DAPK1: variants seen among roughly 807,000 people sequenced by gnomAD.
The protein encoded by DAPK1 is death-associated protein kinase 1.
DAPK1 carries 56 observed loss-of-function variants against 144.9 expected under a neutral mutation model. The ratio of observed to expected loss-of-function variants is 0.39; its 90% CI spans 0.31 to 0.48. The LOEUF (loss-of-function observed/expected upper bound fraction) is 0.48. DAPK1 is among the 20% of genes least tolerant of loss of function. The pLI is 0.95. For missense variants in DAPK1, 1,454 were observed against 1,875.4 expected, an observed-to-expected ratio of 0.78 and a Z score of 4.15; for synonymous variants, 690 against 749.0, an observed-to-expected ratio of 0.92 and a Z score of 1.29.
At chr9:87,626,198 C>T (rs1317188392) in intron 3 of DAPK1, among the ~76,000 whole-genome samples, 2 of 152,166 alleles carry the variant, frequency 1.3e-5, no homozygotes, top group Non-Finnish European at 2.9e-5. Context: ...GGTGGATCAC[C>T]TGAGGTCAGG....
At chr9:87,594,022 G>C (rs977433050) in intron 2 of DAPK1, among the ~76,000 whole-genome samples, 12 of 152,148 alleles carry the variant, frequency 7.9e-5, no homozygotes, top group Non-Finnish European at 1.5e-4. Context: ...TCATTGAAAT[G>C]GAGCAGCCAA....
chr9:87,612,984 A>C (rs1467758780), intron 3 of DAPK1, among the ~76,000 whole-genome samples: 3 of 152,202 alleles, frequency 2.0e-5, no homozygotes, highest in Non-Finnish European at 4.4e-5. Context: ...AGAGAAATCA[A>C]GCCAGTTTGG....
At chr9:87,549,632 C>CA (rs1179234814) in intron 2 of DAPK1, among the ~76,000 whole-genome samples, 1 of 152,130 alleles carries the variant, frequency 6.6e-6, no homozygotes, top group Admixed American at 6.6e-5. Flanking sequence ...CTTCTCATCA[C>CA]AAAGAGTACA....
intron 18 of DAPK1, among the ~76,000 whole-genome samples, chr9:87,667,542 A>G (rs1399835503): frequency 6.6e-6 from 1 of 152,186 alleles, no homozygotes; most frequent in East Asian, 1.9e-4. Context: ...TGTTGGCAAG[A>G]TTGAGCAACA....
intron 3 of DAPK1, among the ~76,000 whole-genome samples, chr9:87,612,252 A>G (rs916208703): frequency 1.3e-5 from 2 of 152,236 alleles, no homozygotes; most frequent in Admixed American, 6.5e-5. Flanking sequence ...GCACCATAGT[A>G]TCTCAGAACA....
intron 19 of DAPK1, among the ~76,000 whole-genome samples, chr9:87,671,006 C>T (rs1831231747): frequency 1.3e-5 from 2 of 152,244 alleles, no homozygotes; most frequent in Admixed American, 1.3e-4. Flanking sequence ...AGTCTGAAAA[C>T]AGTGAAGGAA....
chr9:87,500,696 G>A (rs1824357527), intron 2 of DAPK1, among the ~76,000 whole-genome samples: 1 of 152,136 alleles, frequency 6.6e-6, no homozygotes, highest in Non-Finnish European at 1.5e-5. Context: ...GGCGAAGGGA[G>A]TTTTTGATCT....
At chr9:87,584,904 T>G (rs1827892481) in intron 2 of DAPK1, among the ~76,000 whole-genome samples, 1 of 152,172 alleles carries the variant, frequency 6.6e-6, no homozygotes, top group South Asian at 2.1e-4. Flanking sequence ...CTCGAACTCC[T>G]GACCTCAGGT....
intron 2 of DAPK1, among the ~76,000 whole-genome samples, chr9:87,584,839 G>A (rs1564008066): frequency 6.6e-6 from 1 of 152,120 alleles, no homozygotes; most frequent in Non-Finnish European, 1.5e-5. Flanking sequence ...ACCACGCCTG[G>A]CTAATTTTTG....
At chr9:87,506,373 G>T (rs1269398469) in intron 2 of DAPK1, among the ~76,000 whole-genome samples, 1 of 152,196 alleles carries the variant, frequency 6.6e-6, no homozygotes, top group African/African-American at 2.4e-5. Flanking sequence ...AGGCCTTAAC[G>T]ACACACTGGG....
chr9:87,502,928 G>A (rs1824460564), intron 2 of DAPK1, among the ~76,000 whole-genome samples: 3 of 152,138 alleles, frequency 2.0e-5, no homozygotes, highest in African/African-American at 4.8e-5. Flanking sequence ...TCAATATTGG[G>A]ATTAATGCAT....
At chr9:87,511,696 G>GTGTGTGTGTGTC (rs1198393273) in intron 2 of DAPK1, among the ~76,000 whole-genome samples, 3 of 139,884 alleles carry the variant, frequency 2.1e-5, no homozygotes, top group Non-Finnish European at 4.5e-5. Context: ...GTGTGTGTGT[G>GTGTGTGTGTGTC]TGTGTGTGTC....
rs1824639982 is a variant in DAPK1, at chr9:87,681,784, C to T, written c.2224+158C>T. On this transcript the variant is annotated intron_variant, in intron 20 of 25. Coordinates refer to ENST00000408954, the MANE Select transcript of DAPK1 (RefSeq NM_004938.4). ...TTTCAGGTCCAGGTTGGCTGGTAGC[C>T]TTGTGTGTGCTGCCTGTTGTCCAGC... 4.6e-6 allele frequency: 3 copies of T among 649,594 alleles called. No homozygotes were observed. The Admixed American group carries it at 6.7e-5, about 14-fold the overall frequency. The allele number at this position is 649,594 out of a possible 1,614,324, so 40.2% of individuals were successfully genotyped here. A position where few individuals can be genotyped will look rare whatever the true frequency, so the allele number is the denominator to read the frequency against.
intron 2 of DAPK1, among the ~76,000 whole-genome samples, chr9:87,551,669 A>C (rs1177242024): frequency 6.6e-6 from 1 of 152,152 alleles, no homozygotes; most frequent in Non-Finnish European, 1.5e-5. Context: ...CCATGGTGGG[A>C]GTTGGGGTCT....
At chr9:87,531,208 A>G (rs1825688658) in intron 2 of DAPK1, among the ~76,000 whole-genome samples, 1 of 152,192 alleles carries the variant, frequency 6.6e-6, no homozygotes, top group Non-Finnish European at 1.5e-5. Flanking sequence ...AGTGTGGGTC[A>G]TAGCTTGTGC....
intron 2 of DAPK1, among the ~76,000 whole-genome samples, chr9:87,588,893 G>A (rs772823454): frequency 1.8e-4 from 28 of 151,680 alleles, no homozygotes; most frequent in Non-Finnish European, 3.5e-4. Flanking sequence ...CTTTTTCTGG[G>A]GGGCGGGGGG....
intron 2 of DAPK1, among the ~76,000 whole-genome samples, chr9:87,507,234 C>T (rs900145237): frequency 6.6e-5 from 10 of 152,120 alleles, no homozygotes; most frequent in Admixed American, 3.9e-4. Flanking sequence ...TTTTTTGAGA[C>T]GGAATTTCGC....
intron 2 of DAPK1, among the ~76,000 whole-genome samples, chr9:87,579,633 AAAG>A (rs1245559903): frequency 1.3e-5 from 2 of 152,216 alleles, no homozygotes; most frequent in African/African-American, 2.4e-5. Context: ...ACAAGAGCAG[AAAG>A]AAGAATTGAA....
chr9:87,566,267 C>T (rs556339828), intron 2 of DAPK1, among the ~76,000 whole-genome samples: 79 of 152,200 alleles, frequency 5.2e-4, no homozygotes, highest in African/African-American at 1.8e-3. Context: ...GTGATCCACC[C>T]GCCTCGGCCT....
Sources: gnomAD v4.1 joint callset for allele counts (sites outside exome capture counted in the v4.1 genomes callset) on GRCh38, gnomAD v4.1.1 for gene constraint, MANE v1.5 for transcripts, NCBI Gene and HGNC (gene_info 2026-07-23, HGNC 2026-07-21) for gene names.